SNX29: variants seen among roughly 807,000 people sequenced by gnomAD.
SNX29 encodes sorting nexin 29.
In SNX29, 78 loss-of-function variants were observed where a neutral mutation model predicts 102.1. The ratio of observed to expected loss-of-function variants is 0.76; its 90% CI spans 0.64 to 0.92. The LOEUF is 0.92. SNX29 is among the 40% of genes least tolerant of loss of function. SNX29 has a pLI of 0.00. For synonymous variants in SNX29, 580 were observed against 414.5 expected, an observed-to-expected ratio of 1.40 and a Z score of -4.85; for missense variants, 1,280 against 1,061.7, an observed-to-expected ratio of 1.21 and a Z score of -2.86.
At chr16:12,358,268 C>T (rs1052659817) in intron 16 of SNX29, among the ~76,000 whole-genome samples, 1 of 152,154 alleles carries the variant, frequency 6.6e-6, no homozygotes, top group Admixed American at 6.5e-5. Flanking sequence ...TTTGTGTTTT[C>T]ATCCGCTGTT....
chr16:12,541,925 G>C (rs181529622), intron 20 of SNX29, among the ~76,000 whole-genome samples: 1 of 152,106 alleles, frequency 6.6e-6, no homozygotes, highest in Non-Finnish European at 1.5e-5. Flanking sequence ...GATTGCCCAC[G>C]GTACATCCTG....
chr16:12,285,610 G>A (rs78013007), intron 15 of SNX29, among the ~76,000 whole-genome samples: 4,810 of 152,268 alleles, frequency 0.032, 118 homozygotes, highest in Admixed American at 0.063. Context: ...TTAATAAAGT[G>A]TAAAAATTCC....
chr16:12,160,052 A>C (rs1293886044), intron 13 of SNX29, among the ~76,000 whole-genome samples: 1 of 152,198 alleles, frequency 6.6e-6, no homozygotes, highest in Non-Finnish European at 1.5e-5. Flanking sequence ...AGATGTCTCT[A>C]ACAAATGGTT....
chr16:12,424,468 C>G (rs2084980331), intron 18 of SNX29, among the ~76,000 whole-genome samples: 1 of 152,122 alleles, frequency 6.6e-6, no homozygotes. Context: ...AGGGCCCTTC[C>G]TTGGGCGACT....
chr16:12,434,404 G>A (rs1357165528), intron 18 of SNX29, among the ~76,000 whole-genome samples: 1 of 152,156 alleles, frequency 6.6e-6, no homozygotes, highest in Non-Finnish European at 1.5e-5. Flanking sequence ...AAACTGCAAA[G>A]CAGGGTGTTT....
intron 20 of SNX29, among the ~76,000 whole-genome samples, chr16:12,565,755 C>T (rs1398209942): frequency 2.0e-5 from 3 of 152,184 alleles, no homozygotes; most frequent in East Asian, 1.9e-4. Flanking sequence ...ATGGGCCTGC[C>T]ACCTTCACCT....
rs927410706 is a variant in SNX29, at chr16:12,572,744, G to T, written c.*4115G>T. 3.8e-6 allele frequency: 4 copies of T among 1,064,018 alleles called. No homozygotes were observed. Among genetic ancestry groups the T allele is most frequent in the Non-Finnish European group, 4.6e-6 (4 of 878,560 alleles). 65.9% of individuals were successfully genotyped at this position (1,064,018 alleles called of 1,614,324 possible). On this transcript the variant is annotated 3_prime_UTR_variant, in exon 21 of 21. Coordinates refer to ENST00000566228, the MANE Select transcript of SNX29 (RefSeq NM_032167.5). ...AGAACTGATGGCAAAGGAAGGGCTG[G>T]GTTTTCAGCTTCTGGGACCCGAGGA...
At chr16:12,527,987 G>A (rs984430655) in intron 20 of SNX29, among the ~76,000 whole-genome samples, 4 of 91,554 alleles carry the variant, frequency 4.4e-5, no homozygotes, top group Non-Finnish European at 7.3e-5. Flanking sequence ...ACCATGCCTG[G>A]CTATTTTTTT....
chr16:11,999,372 A>C lies in SNX29; in HGVS notation c.69+14A>C. 1.2e-6 allele frequency: 2 copies of C among 1,613,898 alleles called. No homozygotes were observed. Among genetic ancestry groups the C allele is most frequent in the Non-Finnish European group, 1.7e-6 (2 of 1,179,844 alleles). Reference sequence around the variant, plus strand: ...GCAGTGAAACAGGTAAGCAGAAAGCACACATTTGCCTTTTTGGTCGAGTAA... The same window carrying C: ...GCAGTGAAACAGGTAAGCAGAAAGCCCACATTTGCCTTTTTGGTCGAGTAA... On this transcript the variant is annotated intron_variant, in intron 2 of 20. Transcript: ENST00000566228.
chr16:12,198,165 T>C (rs2076825182), intron 13 of SNX29, among the ~76,000 whole-genome samples: 1 of 152,130 alleles, frequency 6.6e-6, no homozygotes, highest in African/African-American at 2.4e-5. Context: ...TGTCAAAGCA[T>C]GGAGGAAGGC....
intron 18 of SNX29, among the ~76,000 whole-genome samples, chr16:12,459,101 G>A (rs1309581357): frequency 7.6e-5 from 5 of 65,742 alleles, no homozygotes; most frequent in African/African-American, 1.9e-4. Flanking sequence ...TCCTCCCACC[G>A]TTTCACTCTC....
At chr16:12,477,935 G>A (rs140066233) in intron 19 of SNX29, 76 bp downstream of exon 19, 231 of 1,462,516 alleles carry the variant, frequency 1.6e-4, no homozygotes, top group African/African-American at 1.2e-3. Context: ...TCTTTAGTCC[G>A]TTGCTTAAAA....
At chr16:12,465,387 A>G (rs1049324110) in intron 18 of SNX29, among the ~76,000 whole-genome samples, 1 of 152,190 alleles carries the variant, frequency 6.6e-6, no homozygotes, top group East Asian at 1.9e-4. Flanking sequence ...GATAATTTTT[A>G]TATGGTGTAA....
chr16:12,182,434 C>T (rs1030166891), intron 13 of SNX29, among the ~76,000 whole-genome samples: 10 of 152,102 alleles, frequency 6.6e-5, no homozygotes, highest in Admixed American at 5.2e-4. Flanking sequence ...TTTTGCTTCA[C>T]AAAAGTAATT....
At chr16:12,280,974 C>T (rs1278981876) in intron 15 of SNX29, among the ~76,000 whole-genome samples, 4 of 152,206 alleles carry the variant, frequency 2.6e-5, no homozygotes, top group African/African-American at 9.6e-5. Flanking sequence ...GTGGTACAGC[C>T]TTGGCTCACT....
intron 11 of SNX29, among the ~76,000 whole-genome samples, chr16:12,112,592 G>A (rs1326301774): frequency 6.6e-6 from 1 of 152,202 alleles, no homozygotes; most frequent in Non-Finnish European, 1.5e-5. Flanking sequence ...TGCCGAAGAC[G>A]ACAGCAGCCC....
chr16:12,349,031 C>T lies in SNX29; in HGVS notation c.1783-7132C>T, dbSNP rs143996906. ...CTCAGCTTGTTTAAAAGTCTTGTGG[C>T]CTCCCGGTAGAGGAGCAGAGAGCGC... On this transcript the variant is annotated intron_variant, in intron 15 of 20. Coordinates refer to ENST00000566228, the MANE Select transcript of SNX29 (RefSeq NM_032167.5). Among the ~76,000 whole-genome samples the T allele has an allele frequency of 6.6e-5, 10 of 152,276 alleles. No individual in the cohort carries two copies. In the East Asian group the frequency reaches 1.9e-3, roughly 29 times the overall value.
intron 15 of SNX29, among the ~76,000 whole-genome samples, chr16:12,354,901 C>T (rs2082088788): frequency 6.6e-6 from 1 of 152,164 alleles, no homozygotes; most frequent in African/African-American, 2.4e-5. Context: ...TTGCATGGTT[C>T]TTGCAGTATC....
chr16:12,427,941 C>G (rs1277407116), intron 18 of SNX29, among the ~76,000 whole-genome samples: 1 of 152,236 alleles, frequency 6.6e-6, no homozygotes, highest in Non-Finnish European at 1.5e-5. Context: ...TTACCCGAAG[C>G]ACAGCTCCCT....
Sources: gnomAD v4.1 joint callset for allele counts (sites outside exome capture counted in the v4.1 genomes callset) on GRCh38, gnomAD v4.1.1 for gene constraint, MANE v1.5 for transcripts, NCBI Gene and HGNC (gene_info 2026-07-23, HGNC 2026-07-21) for gene names.